The following ELMO2 variants were observed in gnomAD, a reference collection of about 807,000 sequenced individuals.
The protein encoded by ELMO2 is engulfment and cell motility protein 2.
A neutral mutation model predicts 96.2 loss-of-function variants in ELMO2; 37 were observed. That is an observed-to-expected ratio of 0.38 (90% CI 0.30 to 0.51). The LOEUF (loss-of-function observed/expected upper bound fraction) is 0.51. ELMO2 is among the 20% of genes least tolerant of loss of function. The pLI is 0.88. For synonymous variants in ELMO2, 315 were observed against 329.4 expected (o/e 0.96, Z 0.47); for missense variants, 561 against 912.6 (o/e 0.61, Z 4.96).
At chr20:46,391,630 TG>T (rs1297942400) in intron 6 of ELMO2, among the ~76,000 whole-genome samples, 1 of 152,178 alleles carries the variant, frequency 6.6e-6, no homozygotes, top group Non-Finnish European at 1.5e-5. Flanking sequence ...TCCCTCTACC[TG>T]GGCTTTGAGT....
At chr20:46,396,022 A>C (rs1412689792) in intron 2 of ELMO2, among the ~76,000 whole-genome samples, 5 of 152,380 alleles carry the variant, frequency 3.3e-5, no homozygotes, top group Non-Finnish European at 7.3e-5. Context: ...AGCCAGCCTC[A>C]ACTTCTGTCC....
chr20:46,367,649 C>T (rs2059611557), intron 21 of ELMO2, 89 bp from the exon 22 acceptor site: 1 of 1,109,840 alleles, frequency 9.0e-7, no homozygotes, highest in Non-Finnish European at 1.3e-6. Flanking sequence ...GGGCTCACAA[C>T]AGTTCCTTTT....
At chr20:46,368,783 C>T in intron 21 of ELMO2, 108 bp downstream of exon 21, 1 of 1,153,534 alleles carries the variant, frequency 8.7e-7, no homozygotes, top group Middle Eastern at 2.2e-4. Context: ...CTTCAATATA[C>T]ACTGCAGCCA....
chr20:46,401,982 T>C (rs2060344756), intron 1 of ELMO2, among the ~76,000 whole-genome samples: 1 of 152,196 alleles, frequency 6.6e-6, no homozygotes, highest in Admixed American at 6.5e-5. Flanking sequence ...GCAGCGGCAG[T>C]ATCCCTGGGA....
chr20:46,406,169 C>T (rs116505717), intron 1 of ELMO2, among the ~76,000 whole-genome samples: 2,528 of 152,180 alleles, frequency 0.017, 56 homozygotes, highest in African/African-American at 0.058. Context: ...GCCCCGAGCG[C>T]TCTCCGGCTT....
chr20:46,379,035 C>A (rs1277273070), intron 11 of ELMO2, among the ~76,000 whole-genome samples: 1 of 151,930 alleles, frequency 6.6e-6, no homozygotes. Flanking sequence ...TCTTGTTGTC[C>A]AGGCTAGAGC....
chr20:46,405,161 GA>G (rs2145868991), intron 1 of ELMO2, among the ~76,000 whole-genome samples: 1 of 152,318 alleles, frequency 6.6e-6, no homozygotes, highest in South Asian at 2.1e-4. Context: ...GATGGACAGA[GA>G]AATATCAATA....
chr20:46,371,583 C>T lies in ELMO2; in HGVS notation c.1689G>A (p.Arg563=), dbSNP rs2059709589. 6.2e-7 allele frequency: 1 copy of T among 1,602,590 alleles called. No homozygotes were observed. Among genetic ancestry groups the T allele is most frequent in the South Asian group, 1.1e-5 (1 of 89,742 alleles). ...SSFRKIGNRR[R]QERFWYCRLA... ...GATTGCCCCGTCTCCTCTCACCTTGCCTTCGGCGGTTCCCAATCTTTCGGA... is the reference window on the plus strand; with the variant it reads ...GATTGCCCCGTCTCCTCTCACCTTGTCTTCGGCGGTTCCCAATCTTTCGGA... Residue 563 remains arginine (R), a synonymous_variant, in exon 18 of 22, where the codon AGG becomes AGA. Transcript: ENST00000290246. The surrounding 1 kb of genome is among the most constrained non-coding windows in gnomAD (Gnocchi z 5.9).
chr20:46,383,591 G>A, intron 9 of ELMO2, 97 bp from the exon 10 acceptor site: 1 of 1,180,342 alleles, frequency 8.5e-7, no homozygotes, highest in South Asian at 1.2e-5. Context: ...CAGATTATAA[G>A]CAAATAATGA....
chr20:46,381,414 T>C (rs957225205), intron 10 of ELMO2, among the ~76,000 whole-genome samples: 2 of 152,242 alleles, frequency 1.3e-5, no homozygotes, highest in Non-Finnish European at 2.9e-5. Flanking sequence ...GTGAGCTCTG[T>C]GTCATTTTTC....
chr20:46,403,571 C>T (rs2060370601), intron 1 of ELMO2, among the ~76,000 whole-genome samples: 1 of 152,218 alleles, frequency 6.6e-6, no homozygotes, highest in African/African-American at 2.4e-5. Context: ...TTGGCCAAGA[C>T]AGCCACTTTG....
intron 6 of ELMO2, among the ~76,000 whole-genome samples, chr20:46,391,415 A>G (rs375724347): frequency 6.6e-6 from 1 of 152,232 alleles, no homozygotes; most frequent in Non-Finnish European, 1.5e-5. Flanking sequence ...TTAATTACAC[A>G]AAGTATTTAG....
intron 11 of ELMO2, chr20:46,376,928 T>C: frequency 1.4e-6 from 1 of 715,112 alleles, no homozygotes; most frequent in Non-Finnish European, 2.0e-6. Flanking sequence ...ACCAGCCACA[T>C]TTTAAGTGCT....
chr20:46,388,750 C>T lies in ELMO2; in HGVS notation c.425+289G>A, dbSNP rs117941979. ...CCAGCAATTAACAGGTCTGTCACGACGTGACTGCTCTCCTCCTGACTTCTC... is the reference window on the plus strand; with the variant it reads ...CCAGCAATTAACAGGTCTGTCACGATGTGACTGCTCTCCTCCTGACTTCTC... On this transcript the variant is annotated intron_variant, in intron 7 of 21. Transcript: ENST00000290246. 1.5e-3 allele frequency among the ~76,000 whole-genome samples: 225 copies of T among 152,280 alleles called. 1 individual carries two copies. The highest frequency in any genetic ancestry group is 0.014 in the East Asian group (75 of 5,182).
chr20:46,381,276 A>G (rs1218384070), intron 10 of ELMO2, among the ~76,000 whole-genome samples: 2 of 152,230 alleles, frequency 1.3e-5, no homozygotes, highest in Non-Finnish European at 1.5e-5. Context: ...AGTGTCGACC[A>G]TCACTTCTTA....
chr20:46,367,624 G>T, intron 21 of ELMO2, 64 bp from the exon 22 acceptor site: 4 of 1,390,182 alleles, frequency 2.9e-6, no homozygotes, highest in South Asian at 1.4e-5. Flanking sequence ...TCCTGCCAAG[G>T]TCTCTTTTCT....
intron 11 of ELMO2, among the ~76,000 whole-genome samples, chr20:46,377,530 G>A (rs979573866): frequency 6.6e-6 from 1 of 152,140 alleles, no homozygotes; most frequent in Non-Finnish European, 1.5e-5. Context: ...AGCCACATAC[G>A]GATATTTAAA....
chr20:46,366,490 C>T lies in ELMO2; in HGVS notation c.*870G>A, dbSNP rs1432902718. 6.5e-6 allele frequency: 1 copy of T among 152,726 alleles called. No individual in the cohort carries two copies. Among genetic ancestry groups the T allele is most frequent in the East Asian group, 1.9e-4 (1 of 5,206 alleles). 9.5% of individuals were successfully genotyped at this position (152,726 alleles called of 1,614,324 possible). The stretch of plus-strand genomic sequence containing the variant: ...GCACTAGGAAGGGAAGGCCAACTTC[C>T]TGGGGTCTGGAAGGCCAAAGGAAAG... On this transcript the variant is annotated 3_prime_UTR_variant, in exon 22 of 22. Transcript: ENST00000290246.
intron 16 of ELMO2, 35 bp downstream of exon 16, chr20:46,373,364 T>A (rs754819380): frequency 1.9e-6 from 3 of 1,612,416 alleles, no homozygotes; most frequent in Admixed American, 3.3e-5. Context: ...GATGGTCTCC[T>A]CCCGTGGGCC....
Sources: allele counts gnomAD v4.1 joint callset (sites outside exome capture counted in the v4.1 genomes callset), GRCh38; gene constraint gnomAD v4.1.1; non-coding constraint Gnocchi (gnomAD v3.1); transcripts MANE v1.5; gene names NCBI Gene and HGNC (gene_info 2026-07-23, HGNC 2026-07-21).